Variants in RMDN2 observed in about 807,000 individuals in gnomAD.
RMDN2 encodes the protein regulator of microtubule dynamics 2.
RMDN2 carries 61 observed loss-of-function variants against 52.8 expected under a neutral mutation model. That is an observed-to-expected ratio of 1.16 (90% CI 0.94 to 1.43). RMDN2 has a LOEUF of 1.43. RMDN2 is among the 40% of genes most tolerant of loss of function. RMDN2 has a pLI of 0.00. For synonymous variants in RMDN2, 180 were observed against 153.1 expected (o/e 1.18, Z -1.30); for missense variants, 592 against 475.3 (o/e 1.25, Z -2.28).
chr2:37,989,341 G>C (rs1344378387), intron 5 of RMDN2, among the ~76,000 whole-genome samples, 200 bp from the exon 6 acceptor site: 1 of 152,038 alleles, frequency 6.6e-6, no homozygotes, highest in East Asian at 1.9e-4. Context: ...AATATTGTTA[G>C]TATCCCCAGT....
intron 2 of RMDN2, 108 bp from the exon 3 acceptor site, chr2:37,973,932 A>C: frequency 2.4e-6 from 2 of 842,508 alleles, no homozygotes; most frequent in Non-Finnish European, 3.8e-6. Flanking sequence ...GTGCCACTGC[A>C]GAGTTTCAAG....
downstream of RMDN2, among the ~76,000 whole-genome samples, chr2:38,020,554 G>A (rs1679273305): frequency 6.6e-6 from 1 of 152,234 alleles, no homozygotes; most frequent in African/African-American, 2.4e-5. Context: ...CGGCGCTTGC[G>A]GGCCAGCTGG....
chr2:37,954,712 A>G (rs1669238365), intron 2 of RMDN2, among the ~76,000 whole-genome samples: 1 of 152,178 alleles, frequency 6.6e-6, no homozygotes, highest in South Asian at 2.1e-4. Flanking sequence ...AATGAATTTC[A>G]GGATAGATTT....
chr2:37,999,215 C>A (rs1038283482), intron 8 of RMDN2, among the ~76,000 whole-genome samples: 1 of 152,128 alleles, frequency 6.6e-6, no homozygotes, highest in African/African-American at 2.4e-5. Context: ...AACCAGACTA[C>A]CTGGTTAAAT....
intron 5 of RMDN2, among the ~76,000 whole-genome samples, chr2:37,985,616 A>C (rs1221541676): frequency 1.3e-5 from 2 of 152,134 alleles, no homozygotes; most frequent in Non-Finnish European, 2.9e-5. Flanking sequence ...CTTGGTCCCC[A>C]GTGTGTTCAG....
At chr2:38,054,789 C>T (rs1444464683) in intron 10 of RMDN2, among the ~76,000 whole-genome samples, 1 of 152,122 alleles carries the variant, frequency 6.6e-6, no homozygotes, top group African/African-American at 2.4e-5. Flanking sequence ...TCAAACTACC[C>T]AGTGCACGAC....
intron 2 of RMDN2, among the ~76,000 whole-genome samples, chr2:37,955,789 T>C (rs941648352): frequency 3.3e-5 from 5 of 152,136 alleles, no homozygotes; most frequent in African/African-American, 1.2e-4. Context: ...AACCTCTTTT[T>C]TCTTCCCAGT....
chr2:37,983,382 T>C (rs1673584660), intron 5 of RMDN2, among the ~76,000 whole-genome samples: 1 of 152,238 alleles, frequency 6.6e-6, no homozygotes, highest in Non-Finnish European at 1.5e-5. Context: ...ACATCTCCTT[T>C]GTTCATCTTC....
intron 7 of RMDN2, among the ~76,000 whole-genome samples, chr2:37,996,503 G>C (rs1395421294): frequency 6.7e-6 from 1 of 149,722 alleles, no homozygotes; most frequent in East Asian, 2.0e-4. Flanking sequence ...GAGGATTGTT[G>C]AGCCCAGGAG....
chr2:38,043,682 A>G (rs540472427), intron 10 of RMDN2, among the ~76,000 whole-genome samples: 9 of 152,078 alleles, frequency 5.9e-5, no homozygotes, highest in Non-Finnish European at 1.0e-4. Flanking sequence ...TGGTTGTCCT[A>G]TGGTTTGCAA....
chr2:37,962,305 C>T (rs1044949711), intron 2 of RMDN2, among the ~76,000 whole-genome samples: 1 of 152,216 alleles, frequency 6.6e-6, no homozygotes, highest in Non-Finnish European at 1.5e-5. Context: ...CACCCCTTCC[C>T]CCAGGTGTTC....
intron 10 of RMDN2, chr2:38,036,440 G>A (rs530721562): frequency 4.6e-5 from 7 of 152,336 alleles, no homozygotes; most frequent in East Asian, 3.9e-4. Context: ...TGCCTTTTAT[G>A]TTCCGGAGTC....
intron 4 of RMDN2, among the ~76,000 whole-genome samples, chr2:37,980,445 A>G (rs1673154636): frequency 6.6e-6 from 1 of 152,100 alleles, no homozygotes; most frequent in South Asian, 2.1e-4. Context: ...CTGGGATTAC[A>G]GGCATGCACC....
At chr2:37,952,206 C>T in intron 2 of RMDN2, 1 of 1,612,866 alleles carries the variant, frequency 6.2e-7, no homozygotes. Flanking sequence ...AATAAGGTCA[C>T]CTCAGACTTT....
downstream of RMDN2, among the ~76,000 whole-genome samples, chr2:38,020,615 C>T (rs1013862544): frequency 3.9e-5 from 6 of 152,204 alleles, no homozygotes; most frequent in Admixed American, 3.3e-4. Context: ...AGCGGCCAGC[C>T]GGCCCTGCCG....
chr2:38,033,949 T>A (rs1680398972), intron 10 of RMDN2, among the ~76,000 whole-genome samples: 1 of 152,246 alleles, frequency 6.6e-6, no homozygotes, highest in Non-Finnish European at 1.5e-5. Flanking sequence ...CATGTCTTGG[T>A]TCAGTAAAAA....
intron 10 of RMDN2, among the ~76,000 whole-genome samples, chr2:38,056,050 C>G (rs144776887): frequency 2.9e-3 from 446 of 152,308 alleles, no homozygotes; most frequent in African/African-American, 0.01. Flanking sequence ...CGTGTGCTCC[C>G]CACCTCACCT....
At position 37,993,661 on chromosome 2, in the gene RMDN2, T is replaced by C. The variant is rs114560885; in HGVS notation, c.945+2364T>C. Among the ~76,000 whole-genome samples the C allele has an allele frequency of 8.8e-3, 1,326 of 150,248 alleles. 9 individuals carry two copies. The highest frequency in any genetic ancestry group is 0.017 in the Middle Eastern group (5 of 288). On this transcript the variant is annotated intron_variant, in intron 7 of 10. Transcript: ENST00000354545. ...GGCTGGTAACCTAAAGCTTAGTCTG[T>C]AGACCTTTGTTGGGACTGGGGGACT...
At chr2:37,934,544 ATTTTATT>A (rs1453675355) in intron 2 of RMDN2, among the ~76,000 whole-genome samples, 3 of 152,000 alleles carry the variant, frequency 2.0e-5, no homozygotes, top group East Asian at 1.9e-4. Context: ...ATTTATTTAT[ATTTTATT>A]TTTTATTTTT....
Sources: gnomAD v4.1 joint callset for allele counts (sites outside exome capture counted in the v4.1 genomes callset) on GRCh38, gnomAD v4.1.1 for gene constraint, MANE v1.5 for transcripts, NCBI Gene and HGNC (gene_info 2026-07-23, HGNC 2026-07-21) for gene names.